LARGE1: variants seen among roughly 807,000 people sequenced by gnomAD.
LARGE1 encodes xylosyl- and glucuronyltransferase LARGE1.
A neutral mutation model predicts 87.6 loss-of-function variants in LARGE1; 43 were observed. That is an observed-to-expected ratio of 0.49 (90% CI 0.38 to 0.63). The LOEUF (loss-of-function observed/expected upper bound fraction) is 0.63. Ranked by LOEUF, LARGE1 falls within the 30% of genes least tolerant of loss-of-function variation. The pLI is 0.00. For missense variants in LARGE1, 802 were observed against 1,000.2 expected (o/e 0.80, Z 2.67); for synonymous variants, 434 against 394.6 (o/e 1.10, Z -1.18).
intron 11 of LARGE1, among the ~76,000 whole-genome samples, chr22:33,256,271 T>C (rs1284424121): frequency 2.6e-5 from 4 of 152,264 alleles, no homozygotes; most frequent in Non-Finnish European, 5.9e-5. Flanking sequence ...GGAATGTCTG[T>C]GTTATTTAAA....
intron 6 of LARGE1, among the ~76,000 whole-genome samples, chr22:33,438,344 T>C (rs2067347847): frequency 1.3e-5 from 2 of 152,172 alleles, no homozygotes; most frequent in African/African-American, 2.4e-5. Flanking sequence ...AATAAAACAC[T>C]GTGACTCACA....
At chr22:33,387,034 G>T (rs1409877843) in intron 7 of LARGE1, among the ~76,000 whole-genome samples, 2 of 148,060 alleles carry the variant, frequency 1.4e-5, no homozygotes, top group Non-Finnish European at 3.0e-5. Flanking sequence ...AATCCAGGAG[G>T]CGGAGGTTGC....
At chr22:33,543,847 C>G (rs988782232) in intron 6 of LARGE1, among the ~76,000 whole-genome samples, 1 of 152,214 alleles carries the variant, frequency 6.6e-6, no homozygotes, top group Non-Finnish European at 1.5e-5. Flanking sequence ...CGATGAACTG[C>G]TTGCAAGACT....
In LARGE1 at chr22:33,337,779, T is replaced by C. The variant is rs767519400; in HGVS notation, c.1154A>G (p.Lys385Arg). The change falls in exon 10 of 15, where the codon AAG becomes AGG. Residue 385 changes from lysine (K) to arginine (R), a missense_variant. By Grantham distance (26) the Lys-to-Arg change is conservative. Coordinates refer to ENST00000397394, the MANE Select transcript of LARGE1 (RefSeq NM_133642.5). The part of the protein sequence containing the change: ...DLKVIHWNSP[K>R]KLRVKNKHVE... ...ATGCTTGTTCTTCACCCGGAGCTTCTTGGGGGAGTTCCAGTGAATGACCTG... is the reference window on the plus strand; with the variant it reads ...ATGCTTGTTCTTCACCCGGAGCTTCCTGGGGGAGTTCCAGTGAATGACCTG... The C allele has an allele frequency of 1.5e-5, 25 of 1,614,062 alleles. No homozygotes were observed. The highest frequency in any genetic ancestry group is 1.9e-5 in the Non-Finnish European group (22 of 1,180,030).
At chr22:33,772,125 A>G (rs1207235409) in intron 1 of LARGE1, among the ~76,000 whole-genome samples, 1 of 152,188 alleles carries the variant, frequency 6.6e-6, no homozygotes, top group African/African-American at 2.4e-5. Context: ...CGAGGTCGGG[A>G]GACCGATATC....
chr22:33,267,717 C>T (rs1928028919), downstream of LARGE1, among the ~76,000 whole-genome samples: 1 of 151,208 alleles, frequency 6.6e-6, no homozygotes, highest in African/African-American at 2.5e-5. Flanking sequence ...ATAAAGAGGC[C>T]TCTATGCGCT....
chr22:33,669,432 C>A (rs2081348547), intron 2 of LARGE1, among the ~76,000 whole-genome samples: 1 of 152,198 alleles, frequency 6.6e-6, no homozygotes, highest in Non-Finnish European at 1.5e-5. Flanking sequence ...ACATTAGTAT[C>A]CTCCTATTAT....
intron 2 of LARGE1, among the ~76,000 whole-genome samples, chr22:33,684,363 G>A (rs1342672379): frequency 2.0e-5 from 3 of 151,634 alleles, no homozygotes; most frequent in Admixed American, 2.0e-4. Context: ...CCTCAGCCTC[G>A]GACTACTCAT....
At chr22:33,915,442 ATAT>A (rs1289553886) in intron 1 of LARGE1, among the ~76,000 whole-genome samples, 19 of 151,598 alleles carry the variant, frequency 1.3e-4, no homozygotes, top group Non-Finnish European at 5.9e-5. Context: ...TTTTTTTTTC[ATAT>A]TATATCATTT....
At chr22:33,503,785 C>T (rs1178802407) in intron 6 of LARGE1, among the ~76,000 whole-genome samples, 1 of 151,680 alleles carries the variant, frequency 6.6e-6, no homozygotes, top group Non-Finnish European at 1.5e-5. Flanking sequence ...GGCGACAGAG[C>T]AAGACTCTGT....
chr22:33,823,941 T>C (rs2062709046), intron 1 of LARGE1, among the ~76,000 whole-genome samples: 1 of 152,168 alleles, frequency 6.6e-6, no homozygotes, highest in Non-Finnish European at 1.5e-5. Context: ...GTTAAGTGTC[T>C]ACCAGTTAAT....
At chr22:33,736,650 T>C (rs573230496) in intron 2 of LARGE1, among the ~76,000 whole-genome samples, 7 of 152,236 alleles carry the variant, frequency 4.6e-5, no homozygotes, top group Non-Finnish European at 7.3e-5. Context: ...GCTCAATTTA[T>C]CTATTTTTTT....
Position 33,827,851 on chromosome 22 carries a change from T to C in LARGE1, c.-82-66293A>G, listed in dbSNP as rs546429146. 8.5e-5 allele frequency among the ~76,000 whole-genome samples: 13 copies of C among 152,228 alleles called. No homozygotes were observed. In the East Asian group the frequency reaches 2.3e-3, roughly 27 times the overall value. On this transcript the variant is annotated intron_variant, in intron 1 of 14. Transcript: ENST00000397394. ...CCCCTCAACACCTCCTCCCCTAGAG[T>C]TTCGGATTATAGAGATCGAGGGTGG...
rs371358793 is a variant in LARGE1, at chr22:33,283,376, A to G, written c.1731-28T>C. On this transcript the variant is annotated intron_variant, in intron 12 of 14. Transcript: ENST00000397394. ...GAAAAGAGGGGACAGGCAGAGAGAC[A>G]GAGTCCCTGTGACACCAGGCCAAGG... 12 of 1,613,858 alleles carry G rather than the reference A, an allele frequency of 7.4e-6. 1 individual carries two copies. In the African/African-American group the frequency reaches 1.6e-4, roughly 22 times the overall value.
At chr22:33,304,113 C>T (rs1934538481) in intron 12 of LARGE1, 116 bp downstream of exon 12, 1 of 1,192,672 alleles carries the variant, frequency 8.4e-7, no homozygotes, top group Non-Finnish European at 1.2e-6. Flanking sequence ...CTCTGCTGCC[C>T]CATCTGGAAA....
At chr22:33,440,460 A>G (rs1372245452) in intron 6 of LARGE1, among the ~76,000 whole-genome samples, 2 of 152,218 alleles carry the variant, frequency 1.3e-5, no homozygotes, top group African/African-American at 4.8e-5. Flanking sequence ...GGCTGTGCTT[A>G]TACCACTAGG....
intron 10 of LARGE1, among the ~76,000 whole-genome samples, chr22:33,325,487 C>T (rs1937161470): frequency 6.6e-6 from 1 of 152,212 alleles, no homozygotes; most frequent in Admixed American, 6.5e-5. Context: ...GGCAGAGCCA[C>T]AAGACAAAAG....
chr22:33,618,701 A>G (rs2079651608), intron 4 of LARGE1, among the ~76,000 whole-genome samples: 1 of 152,260 alleles, frequency 6.6e-6, no homozygotes, highest in African/African-American at 2.4e-5. Flanking sequence ...GAGAATTGAT[A>G]GAGGCAAAAG....
chr22:33,759,982 C>A (rs1290164810), intron 2 of LARGE1, among the ~76,000 whole-genome samples: 1 of 152,212 alleles, frequency 6.6e-6, no homozygotes, highest in African/African-American at 2.4e-5. Flanking sequence ...ATCCTGAGCC[C>A]TCCCTGCTAG....
Sources: allele counts gnomAD v4.1 joint callset (sites outside exome capture counted in the v4.1 genomes callset), GRCh38; gene constraint gnomAD v4.1.1; transcripts MANE v1.5; gene names NCBI Gene and HGNC (gene_info 2026-07-23, HGNC 2026-07-21).